FGF12: variants seen among roughly 807,000 people sequenced by gnomAD.
The protein encoded by FGF12 is fibroblast growth factor 12B.
In FGF12, 14 loss-of-function variants were observed where a neutral mutation model predicts 23.6. That is an observed-to-expected ratio of 0.59 (90% CI 0.39 to 0.93). FGF12 has a LOEUF of 0.93. Ranked by LOEUF, FGF12 falls within the 40% of genes least tolerant of loss-of-function variation. The pLI, the probability that FGF12 is intolerant of heterozygous loss-of-function variation, is 0.00. For missense variants in FGF12, 175 were observed against 217.8 expected (o/e 0.80, Z 1.24); for synonymous variants, 62 against 77.3 (o/e 0.80, Z 1.04).
Position 192,514,614 on chromosome 3 carries a change from G to C in FGF12, c.14-154076C>G. ...GGCGGCGGAGAGGGCCCCGGAAGAA[G>C]GGAAGGGGGCATTCTGCAGTGTTTG... is the stretch of plus-strand genomic sequence containing the variant. On this transcript the variant is annotated intron_variant, in intron 2 of 5. Coordinates refer to ENST00000445105, the MANE Select transcript of FGF12 (RefSeq NM_004113.6). The surrounding 1 kb of genome is among the most constrained non-coding windows in gnomAD (Gnocchi z 4.9). The C allele has an allele frequency of 1.2e-6, 1 of 838,028 alleles. No homozygotes were observed. The highest frequency in any genetic ancestry group is 5.5e-5 in the South Asian group (1 of 18,340). 51.9% of individuals were successfully genotyped at this position (838,028 alleles called of 1,614,324 possible).
chr3:192,364,307 T>C (rs1172191263), intron 2 of FGF12, among the ~76,000 whole-genome samples: 1 of 152,236 alleles, frequency 6.6e-6, no homozygotes, highest in Admixed American at 6.5e-5. Context: ...TTCCAGTTTA[T>C]ATGACTCCTT....
At chr3:192,251,751 T>C (rs1024811800) in intron 4 of FGF12, among the ~76,000 whole-genome samples, 2 of 152,018 alleles carry the variant, frequency 1.3e-5, no homozygotes, top group African/African-American at 4.8e-5. Context: ...AAATGGCCCA[T>C]ATAGTATGAT....
At chr3:192,641,351 C>T (rs1577094072) in intron 2 of FGF12, among the ~76,000 whole-genome samples, 1 of 91,018 alleles carries the variant, frequency 1.1e-5, no homozygotes, top group South Asian at 4.4e-4. Flanking sequence ...GTGATCCGCC[C>T]GCCTCGGCCT....
At chr3:192,574,511 T>C (rs1712789971) in intron 2 of FGF12, among the ~76,000 whole-genome samples, 1 of 152,134 alleles carries the variant, frequency 6.6e-6, no homozygotes, top group South Asian at 2.1e-4. Flanking sequence ...AATTGGATAG[T>C]TCATGTCGTC....
At chr3:192,481,020 G>T (rs937370874) in intron 2 of FGF12, among the ~76,000 whole-genome samples, 2 of 152,138 alleles carry the variant, frequency 1.3e-5, no homozygotes, top group African/African-American at 4.8e-5. Flanking sequence ...AGTGGTTAAT[G>T]CCCTGTATGC....
At chr3:192,525,228 T>C (rs1019836261) in intron 2 of FGF12, among the ~76,000 whole-genome samples, 2 of 152,200 alleles carry the variant, frequency 1.3e-5, no homozygotes, top group African/African-American at 4.8e-5. Context: ...CCTACATAGA[T>C]TTAATCATCC....
At chr3:192,311,635 T>C (rs758831490) in intron 4 of FGF12, among the ~76,000 whole-genome samples, 3 of 152,204 alleles carry the variant, frequency 2.0e-5, no homozygotes, top group Non-Finnish European at 2.9e-5. Flanking sequence ...TGTAGACATA[T>C]ATTGCAAATT....
chr3:192,526,707 A>G (rs535395171), intron 2 of FGF12, among the ~76,000 whole-genome samples: 134 of 152,336 alleles, frequency 8.8e-4, no homozygotes, highest in African/African-American at 3.2e-3. Flanking sequence ...GTCAATAAAT[A>G]TCTGCTGAAT....
intron 4 of FGF12, among the ~76,000 whole-genome samples, chr3:192,271,998 A>G (rs1713468748): frequency 1.3e-5 from 2 of 152,100 alleles, no homozygotes. Context: ...CATTTCTCTT[A>G]TCCAGTTCTA....
intron 5 of FGF12, among the ~76,000 whole-genome samples, chr3:192,158,912 G>C (rs1714708602): frequency 6.6e-6 from 1 of 151,834 alleles, no homozygotes; most frequent in African/African-American, 2.4e-5. Context: ...CCTAAATCTA[G>C]AGCGCCATGG....
intron 2 of FGF12, among the ~76,000 whole-genome samples, chr3:192,364,567 G>C (rs922828276): frequency 6.6e-6 from 1 of 152,140 alleles, no homozygotes; most frequent in African/African-American, 2.4e-5. Context: ...AATGTAAGTG[G>C]AAGTGATGTG....
chr3:192,639,600 G>T (rs774948030), intron 2 of FGF12, among the ~76,000 whole-genome samples: 1 of 152,156 alleles, frequency 6.6e-6, no homozygotes, highest in Non-Finnish European at 1.5e-5. Flanking sequence ...TACACAGTCT[G>T]CCCTCCATGA....
chr3:192,167,748 TATATATATATATATATATATAA>T (rs1460600446), intron 5 of FGF12, among the ~76,000 whole-genome samples: 12 of 25,492 alleles, frequency 4.7e-4, no homozygotes, highest in African/African-American at 2.1e-3. Context: ...TATATATATA[TATATATATATATATATATATAA>T]AATTTTTTTT....
intron 2 of FGF12, among the ~76,000 whole-genome samples, chr3:192,652,910 T>C (rs1021619783): frequency 1.8e-4 from 27 of 152,224 alleles, no homozygotes; most frequent in African/African-American, 6.3e-4. Flanking sequence ...ACTAGGAATT[T>C]ATGCTGAGGT....
At chr3:192,541,726 C>A (rs1435247624) in intron 2 of FGF12, among the ~76,000 whole-genome samples, 1 of 151,726 alleles carries the variant, frequency 6.6e-6, no homozygotes, top group Non-Finnish European at 1.5e-5. Context: ...TAATAAAACC[C>A]CTTAGTTTTA....
At chr3:192,209,505 A>T (rs1366183861) in intron 4 of FGF12, among the ~76,000 whole-genome samples, 1 of 152,188 alleles carries the variant, frequency 6.6e-6, no homozygotes, top group East Asian at 1.9e-4. Flanking sequence ...GACACAGGTT[A>T]TATCAAAAGA....
intron 4 of FGF12, among the ~76,000 whole-genome samples, chr3:192,291,149 TA>T (rs1334786999): frequency 3.3e-5 from 5 of 152,198 alleles, no homozygotes; most frequent in Non-Finnish European, 5.9e-5. Flanking sequence ...GGTGATTTAC[TA>T]CTATTGAGTA....
intron 2 of FGF12, among the ~76,000 whole-genome samples, chr3:192,680,018 C>G (rs889817569): frequency 2.6e-5 from 4 of 152,128 alleles, no homozygotes; most frequent in Admixed American, 2.6e-4. Context: ...TTATCTGGCT[C>G]CCATGTTGGT....
At chr3:192,388,575 A>C (rs910560513) in intron 2 of FGF12, among the ~76,000 whole-genome samples, 2 of 152,166 alleles carry the variant, frequency 1.3e-5, no homozygotes, top group African/African-American at 2.4e-5. Context: ...CTATTAAGAA[A>C]GATATATAAC....
Sources: gnomAD v4.1 joint callset for allele counts (sites outside exome capture counted in the v4.1 genomes callset) on GRCh38, gnomAD v4.1.1 for gene constraint, Gnocchi (gnomAD v3.1) non-coding constraint, MANE v1.5 for transcripts, NCBI Gene and HGNC (gene_info 2026-07-23, HGNC 2026-07-21) for gene names.